Variants in NCEH1 observed in about 807,000 individuals in gnomAD.
NCEH1 encodes 2-acetyl MAGE hydrolase.
Under a neutral mutation model 25.4 loss-of-function variants are expected in NCEH1, and 9 were observed. The ratio of observed to expected loss-of-function variants is 0.35; its 90% CI spans 0.21 to 0.62. NCEH1 has a LOEUF of 0.62. Among genes scored for constraint, NCEH1 ranks in the 20% least tolerant of loss-of-function variants. The pLI is 0.72. For missense variants in NCEH1, 412 were observed against 501.1 expected, an observed-to-expected ratio of 0.82 and a Z score of 1.70; for synonymous variants, 200 against 199.8, an observed-to-expected ratio of 1.00 and a Z score of -0.01.
At chr3:172,654,832 T>C (rs563873895) in intron 1 of NCEH1, among the ~76,000 whole-genome samples, 1 of 152,386 alleles carries the variant, frequency 6.6e-6, no homozygotes, top group South Asian at 2.1e-4. Flanking sequence ...ATTCAGTCCA[T>C]CAGCTTTTTA....
intron 1 of NCEH1, among the ~76,000 whole-genome samples, chr3:172,662,473 G>A (rs2108506915): frequency 6.6e-6 from 1 of 152,228 alleles, no homozygotes; most frequent in South Asian, 2.1e-4. Context: ...GGATGATGCT[G>A]GCCTTATAAA....
chr3:172,653,744 G>GGTTTT (rs1553830325), intron 1 of NCEH1, among the ~76,000 whole-genome samples: 2 of 95,676 alleles, frequency 2.1e-5, no homozygotes, highest in African/African-American at 4.2e-5. Context: ...TGTTTTTTTT[G>GGTTTT]TTTTTTTGTT....
At chr3:172,710,165 T>C (rs979272940) in intron 1 of NCEH1, among the ~76,000 whole-genome samples, 1 of 152,192 alleles carries the variant, frequency 6.6e-6, no homozygotes, top group Non-Finnish European at 1.5e-5. Flanking sequence ...AAATAAATGC[T>C]GCAGGGCAAG....
At position 172,633,970 on chromosome 3, in the gene NCEH1, G is replaced by C; in HGVS notation, c.732C>G (p.Pro244=). The C allele has an allele frequency of 6.2e-7, 1 of 1,614,200 alleles. No individual in the cohort carries two copies. Among genetic ancestry groups the C allele is most frequent in the Non-Finnish European group, 8.5e-7 (1 of 1,180,034 alleles). The part of the protein sequence containing the change: ...YQQNVNTPIL[P]RYVMVKYWVD... ...CCCAATACTTCACCATGACATAGCG[G>C]GGCAGGATTGGGGTGTTCACATTTT... Residue 244 remains proline (P), a synonymous_variant, in exon 5 of 5, where the codon CCC becomes CCG. Coordinates refer to ENST00000475381, the MANE Select transcript of NCEH1 (RefSeq NM_020792.6).
chr3:172,691,257 T>C (rs11709965), intron 1 of NCEH1, among the ~76,000 whole-genome samples: 1 of 152,296 alleles, frequency 6.6e-6, no homozygotes, highest in Non-Finnish European at 1.5e-5. Context: ...TCCTCTATGG[T>C]GCCCTATCCA....
At chr3:172,654,219 C>T (rs985973108) in intron 1 of NCEH1, among the ~76,000 whole-genome samples, 1 of 152,210 alleles carries the variant, frequency 6.6e-6, no homozygotes, top group Non-Finnish European at 1.5e-5. Context: ...AAAATCCCAG[C>T]TCCCTCACTT....
chr3:172,671,426 C>A (rs532346446), intron 1 of NCEH1, among the ~76,000 whole-genome samples: 2 of 151,856 alleles, frequency 1.3e-5, no homozygotes, highest in African/African-American at 4.8e-5. Context: ...CTTAGCATAC[C>A]TTTCGGGTAA....
intron 1 of NCEH1, among the ~76,000 whole-genome samples, chr3:172,698,761 C>A (rs563907724): frequency 2.0e-5 from 3 of 152,158 alleles, no homozygotes; most frequent in Admixed American, 6.5e-5. Context: ...AGTTAGAAAC[C>A]CAGAAAACAG....
intron 3 of NCEH1, among the ~76,000 whole-genome samples, chr3:172,639,611 C>G (rs189181308): frequency 6.6e-6 from 1 of 152,068 alleles, no homozygotes; most frequent in Non-Finnish European, 1.5e-5. Context: ...GCACCTGATA[C>G]GTAAATATCA....
At chr3:172,680,042 G>C (rs1160441957) in intron 1 of NCEH1, among the ~76,000 whole-genome samples, 1 of 152,118 alleles carries the variant, frequency 6.6e-6, no homozygotes, top group African/African-American at 2.4e-5. Context: ...TCCAAAAACT[G>C]GCAGCATCTG....
Position 172,631,575 on chromosome 3 carries a change from A to T in NCEH1, c.*1900T>A, listed in dbSNP as rs569067948. On this transcript the variant is annotated 3_prime_UTR_variant, in exon 5 of 5. Coordinates refer to ENST00000475381, the MANE Select transcript of NCEH1 (RefSeq NM_020792.6). ...CTCTTTGATTTTAGAGGGAGGAAAG[A>T]CGAGGCCCAGAGATGGGAAGTGGCT... The T allele has an allele frequency of 1.3e-5, 2 of 152,744 alleles. No homozygotes were observed. The highest frequency in any genetic ancestry group is 4.1e-4 in the South Asian group (2 of 4,824). The allele number at this position is 152,744 out of a possible 1,614,324, so 9.5% of individuals were successfully genotyped here.
At chr3:172,676,163 A>T (rs970564038) in intron 1 of NCEH1, among the ~76,000 whole-genome samples, 3 of 152,176 alleles carry the variant, frequency 2.0e-5, no homozygotes, top group African/African-American at 7.2e-5. Flanking sequence ...GGTGTTACTT[A>T]AAAAAGTTTT....
At position 172,656,494 on chromosome 3, in the gene NCEH1, C is replaced by T. The variant is rs535538407; in HGVS notation, c.139-8380G>A. On this transcript the variant is annotated intron_variant, in intron 1 of 4. Coordinates refer to ENST00000475381, the MANE Select transcript of NCEH1 (RefSeq NM_020792.6). ...AAGATAGTGACTTTTTGGCTGGGCG[C>T]AGTGGCTCAGGCCTGTAATCCCAGC... 1.3e-4 allele frequency among the ~76,000 whole-genome samples: 20 copies of T among 152,274 alleles called. No individual in the cohort carries two copies. The East Asian group carries it at 3.3e-3, about 25-fold the overall frequency.
rs1269355277 is a variant in NCEH1 at position 172,631,890 on chromosome 3, G to A, written c.*1585C>T. 1 of 152,692 alleles carries A rather than the reference G, an allele frequency of 6.5e-6. No individual in the cohort carries two copies. Among genetic ancestry groups the A allele is most frequent in the Non-Finnish European group, 1.5e-5 (1 of 68,086 alleles). 9.5% of individuals were successfully genotyped at this position (152,692 alleles called of 1,614,324 possible). On this transcript the variant is annotated 3_prime_UTR_variant, in exon 5 of 5. Coordinates refer to ENST00000475381, the MANE Select transcript of NCEH1 (RefSeq NM_020792.6). Reference sequence around the variant, plus strand: ...AAAGTAGCATGGATCGGGGAAGAAGGAAGGACGGCAGGAAGGCAGGCAGAG... The same window carrying A: ...AAAGTAGCATGGATCGGGGAAGAAGAAAGGACGGCAGGAAGGCAGGCAGAG...
chr3:172,665,767 C>T (rs1718179826), intron 1 of NCEH1, among the ~76,000 whole-genome samples: 1 of 152,228 alleles, frequency 6.6e-6, no homozygotes, highest in Non-Finnish European at 1.5e-5. Flanking sequence ...AGCAAGGCTC[C>T]ATGGGTGTCG....
At chr3:172,690,282 C>T (rs1712963952) in intron 1 of NCEH1, among the ~76,000 whole-genome samples, 1 of 152,100 alleles carries the variant, frequency 6.6e-6, no homozygotes, top group African/African-American at 2.4e-5. Flanking sequence ...GCTCTTTCCC[C>T]AGAATAGTGC....
At chr3:172,686,723 G>A (rs1176357724) in intron 1 of NCEH1, among the ~76,000 whole-genome samples, 1 of 152,150 alleles carries the variant, frequency 6.6e-6, no homozygotes, top group African/African-American at 2.4e-5. Flanking sequence ...GGCCCTTCCA[G>A]AAATGTGGTA....
intron 1 of NCEH1, among the ~76,000 whole-genome samples, chr3:172,671,528 C>CACACAT (rs145129202): frequency 0.025 from 3,430 of 137,076 alleles, 170 homozygotes; most frequent in African/African-American, 0.09. Context: ...CACACACACA[C>CACACAT]ATATATAGAT....
chr3:172,671,715 G>A (rs1379366079), intron 1 of NCEH1, among the ~76,000 whole-genome samples: 1 of 151,448 alleles, frequency 6.6e-6, no homozygotes, highest in Admixed American at 6.6e-5. Context: ...CATATCAGGT[G>A]TATATAAATG....
Sources: allele counts gnomAD v4.1 joint callset (sites outside exome capture counted in the v4.1 genomes callset), GRCh38; gene constraint gnomAD v4.1.1; transcripts MANE v1.5; gene names NCBI Gene and HGNC (gene_info 2026-07-23, HGNC 2026-07-21).